CFAP46: variants seen among roughly 807,000 people sequenced by gnomAD.
The protein encoded by CFAP46 is cilia and flagella associated protein 46.
A neutral mutation model predicts 325.7 loss-of-function variants in CFAP46; 245 were observed. The observed-to-expected ratio is 0.75, with a 90% CI of 0.68 to 0.84. The LOEUF (loss-of-function observed/expected upper bound fraction) is 0.84, where lower values mean the gene tolerates loss of function less well. Ranked by LOEUF, CFAP46 falls within the 40% of genes least tolerant of loss-of-function variation. CFAP46 has a pLI of 0.00. For missense variants in CFAP46, 3,346 were observed against 3,543.0 expected, an observed-to-expected ratio of 0.94 and a Z score of 1.41; for synonymous variants, 1,523 against 1,495.9, an observed-to-expected ratio of 1.02 and a Z score of -0.42.
chr10:132,817,931 C>T lies in CFAP46; in HGVS notation c.7118-3017G>A, dbSNP rs114011234. Among the ~76,000 whole-genome samples, 922 of 152,338 alleles carry T rather than the reference C, an allele frequency of 6.1e-3. 8 individuals carry two copies. The highest frequency in any genetic ancestry group is 0.02 in the African/African-American group (849 of 41,578). On this transcript the variant is annotated intron_variant, in intron 50 of 57. Transcript: ENST00000368586. The surrounding 1 kb of genome is among the most constrained non-coding windows in gnomAD (Gnocchi z 4.4). ...AGAATCCTCTCCTGGCTCCTGGCCACGCCCTCCATCCTCACCGTCGGCAGC... is the reference window on the plus strand; with the variant it reads ...AGAATCCTCTCCTGGCTCCTGGCCATGCCCTCCATCCTCACCGTCGGCAGC...
chr10:132,917,042 G>T (rs1290477903), intron 16 of CFAP46, among the ~76,000 whole-genome samples: 1 of 152,244 alleles, frequency 6.6e-6, no homozygotes, highest in Admixed American at 6.5e-5. Flanking sequence ...TGTTTGAGGG[G>T]AAAGGTCTGC....
Position 132,834,736 on chromosome 10 carries a change from C to T in CFAP46, c.6784G>A (p.Val2262Met), listed in dbSNP as rs546116087. The change falls in exon 48 of 58, where the codon GTG becomes ATG. Residue 2262 changes from valine to methionine, a missense_variant. Physicochemically the swap from Val to Met is conservative, Grantham distance 21. Coordinates refer to ENST00000368586, the MANE Select transcript of CFAP46 (RefSeq NM_001200049.3). ...CCCAGGACGCTACTGAGCCTCTGCACAGGGCGCTCCTTCTCTTCCACCTGC... is the reference window on the plus strand; with the variant it reads ...CCCAGGACGCTACTGAGCCTCTGCATAGGGCGCTCCTTCTCTTCCACCTGC... ...GLQVEEKERP[V>M]QRLSSVLGPL... is the part of the protein sequence containing the mutation. 20 of 1,612,860 alleles carry T rather than the reference C, an allele frequency of 1.2e-5. No individual in the cohort carries two copies. Among genetic ancestry groups the T allele is most frequent in the African/African-American group, 6.7e-5 (5 of 74,938 alleles).
Position 132,876,741 on chromosome 10 carries a change from G to A in CFAP46, c.4362+71C>T. 1 of 1,446,072 alleles carries A rather than the reference G, an allele frequency of 6.9e-7. No homozygotes were observed. The highest frequency in any genetic ancestry group is 9.2e-7 in the Non-Finnish European group (1 of 1,083,836). The allele number at this position is 1,446,072 out of a possible 1,614,324, so 89.6% of individuals were successfully genotyped here. On this transcript the variant is annotated intron_variant, in intron 31 of 57. Coordinates refer to ENST00000368586, the MANE Select transcript of CFAP46 (RefSeq NM_001200049.3). This position sits in a 1 kb window ranked among gnomAD's most constrained non-coding sequence, Gnocchi z 4.1. ...TGGCTACAGTTCACAGTGAAAACTG[G>A]ACTTGGGGACAGGTCAAGGGGACAC...
chr10:132,822,285 GGTGTGCTGATGTGTGCACT>G (rs1847872422), intron 50 of CFAP46, among the ~76,000 whole-genome samples: 1 of 90,668 alleles, frequency 1.1e-5, no homozygotes, highest in Non-Finnish European at 2.3e-5. Context: ...TGTGAGTGCT[GGTGTGCTGATGTGTGCACT>G]GTGTGCTGTG....
chr10:132,871,612 T>G (rs1171160091), intron 32 of CFAP46, among the ~76,000 whole-genome samples: 3 of 152,182 alleles, frequency 2.0e-5, no homozygotes, highest in African/African-American at 7.2e-5. Context: ...GTGGAGGAAA[T>G]AGCAAGAGAA....
In CFAP46 at chr10:132,836,835, A is replaced by T; in HGVS notation, c.6518T>A (p.Leu2173Gln). The change falls in exon 45 of 58, where the codon CTG becomes CAG. Residue 2173 changes from leucine to glutamine, a missense_variant. Transcript: ENST00000368586. ...EMPPTFWILF[L>Q]HLSGDRSRLY... ...GCTTTACCTGTCCCCTGAGAGGTGC[A>T]GAAAGAGGATCCAAAAGGTCGGAGG... The T allele has an allele frequency of 6.2e-7, 1 of 1,613,738 alleles. No individual in the cohort carries two copies. Among genetic ancestry groups the T allele is most frequent in the Non-Finnish European group, 8.5e-7 (1 of 1,179,922 alleles).
In CFAP46 at chr10:132,910,031, G is replaced by A. The variant is rs538544588; in HGVS notation, c.2537C>T (p.Ala846Val). 35 of 1,534,594 alleles carry A rather than the reference G, an allele frequency of 2.3e-5. No homozygotes were observed. The highest frequency in any genetic ancestry group is 1.0e-4 in the East Asian group (4 of 39,530). The change falls in exon 20 of 58, where the codon GCG becomes GTG. Residue 846 changes from alanine to valine, a missense_variant. By Grantham distance (64) the Ala-to-Val change is moderately conservative. Coordinates refer to ENST00000368586, the MANE Select transcript of CFAP46 (RefSeq NM_001200049.3). ...GCCGGTGGGCACCGTCTCCTCGGGC[G>A]CACTCCCATTGGTCAGGTTCAGGGC... ...EFALNLTNGS[A>V]PEETVPTGTR...
At chr10:132,845,901 C>G (rs570270307) in intron 44 of CFAP46, among the ~76,000 whole-genome samples, 156 bp downstream of exon 44, 1 of 152,292 alleles carries the variant, frequency 6.6e-6, no homozygotes, top group South Asian at 2.1e-4. Context: ...GGAGAGGCGA[C>G]CCAGGTGCAC....
At chr10:132,813,363 C>T (rs1305744689) in intron 54 of CFAP46, among the ~76,000 whole-genome samples, 1 of 147,250 alleles carries the variant, frequency 6.8e-6, no homozygotes, top group Non-Finnish European at 1.5e-5. Context: ...CCCCTGCACA[C>T]ACCTGCCCCT....
intron 47 of CFAP46, 100 bp from the exon 48 acceptor site, chr10:132,834,875 T>C (rs1225379426): frequency 1.9e-5 from 27 of 1,444,140 alleles, no homozygotes; most frequent in Non-Finnish European, 2.5e-5. Flanking sequence ...TCCTGCCCCT[T>C]CTGCAAACAG....
chr10:132,864,450 A>G (rs1848777271), intron 35 of CFAP46, among the ~76,000 whole-genome samples: 1 of 106,936 alleles, frequency 9.4e-6, no homozygotes, highest in Admixed American at 1.0e-4. Context: ...TGAGACCTGC[A>G]CACACCTGTC....
At position 132,860,461 on chromosome 10, in the gene CFAP46, G is replaced by A; in HGVS notation, c.5154C>T (p.Asn1718=). 1 of 1,551,250 alleles carries A rather than the reference G, an allele frequency of 6.4e-7. No individual in the cohort carries two copies. Among genetic ancestry groups the A allele is most frequent in the Non-Finnish European group, 8.7e-7 (1 of 1,147,098 alleles). The change falls in exon 37 of 58, where the codon AAC becomes AAT. Residue 1718 remains asparagine (N), a synonymous_variant. Transcript: ENST00000368586. ...TCATGAATTCCAGTAAAGGCAATCG[G>A]TTTGGTCTTTCTTTCTTGAGGATCT... The part of the protein sequence containing the change: ...AFKILKKERP[N]RLPLLEFMIT...
At chr10:132,813,870 A>G (rs534101214) in intron 54 of CFAP46, among the ~76,000 whole-genome samples, 1 of 152,264 alleles carries the variant, frequency 6.6e-6, no homozygotes, top group East Asian at 1.9e-4. Flanking sequence ...TGGTCTCTGG[A>G]GGGGCTGCAG....
chr10:132,908,522 GC>G lies in CFAP46; in HGVS notation c.2869del (p.Ala957ProfsTer14). The stretch of plus-strand genomic sequence containing the variant: ...CATCTCCAGAGCCCTGTGAGCACAG[GC>G]CATGGTGGTCTCATGGTCACGCGCT... ...HAARDHETTM[A>X]CAHRALEMGI... is the part of the protein sequence containing the mutation. On this transcript the variant is annotated frameshift_variant, in exon 22 of 58. Coordinates refer to ENST00000368586, the MANE Select transcript of CFAP46 (RefSeq NM_001200049.3). LOFTEE classifies it high-confidence loss of function. 1 of 1,550,542 alleles carries G rather than the reference GC, an allele frequency of 6.4e-7. No homozygotes were observed. The highest frequency in any genetic ancestry group is 8.7e-7 in the Non-Finnish European group (1 of 1,146,982).
intron 8 of CFAP46, among the ~76,000 whole-genome samples, chr10:132,932,847 C>T (rs368544147): frequency 2.0e-5 from 3 of 152,266 alleles, no homozygotes; most frequent in Non-Finnish European, 4.4e-5. Flanking sequence ...TGTTGAGCTG[C>T]AGGGATCAGG....
At chr10:132,819,635 T>C (rs1034111602) in intron 50 of CFAP46, among the ~76,000 whole-genome samples, 5 of 152,150 alleles carry the variant, frequency 3.3e-5, no homozygotes. Context: ...GAACACACAA[T>C]GCGGAAATGA....
chr10:132,901,986 G>A (rs1044263326), intron 22 of CFAP46, among the ~76,000 whole-genome samples: 8 of 152,116 alleles, frequency 5.3e-5, no homozygotes, highest in Admixed American at 3.3e-4. Context: ...GCACAAATCC[G>A]TCCCCATGCT....
At chr10:132,855,588 C>T (rs900644251) in intron 39 of CFAP46, among the ~76,000 whole-genome samples, 6 of 152,104 alleles carry the variant, frequency 3.9e-5, no homozygotes, top group Non-Finnish European at 7.4e-5. Context: ...TCTCACCTGT[C>T]CTTTATTCTT....
In CFAP46 at chr10:132,909,158, GA is replaced by G; in HGVS notation, c.2735del (p.Phe912SerfsTer10). ...CTACCTGGGCCAGGGAGGGGACAGT[GA>G]AGTCCATGAGGCCCAGCCCGTTGCA... The part of the protein sequence containing the change: ...YSCNGLGLMD[F>X]TVPSLAQLVK... On this transcript the variant is annotated frameshift_variant, in exon 21 of 58. Transcript: ENST00000368586. LOFTEE classifies it high-confidence loss of function. 1 of 1,549,742 alleles carries G rather than the reference GA, an allele frequency of 6.5e-7. No individual in the cohort carries two copies. The highest frequency in any genetic ancestry group is 8.7e-7 in the Non-Finnish European group (1 of 1,146,764).
Sources: gnomAD v4.1 joint callset for allele counts (sites outside exome capture counted in the v4.1 genomes callset) on GRCh38, gnomAD v4.1.1 for gene constraint, Gnocchi (gnomAD v3.1) non-coding constraint, MANE v1.5 for transcripts, NCBI Gene and HGNC (gene_info 2026-07-23, HGNC 2026-07-21) for gene names.